Variants in ALDH9A1 observed in about 807,000 individuals in gnomAD.
ALDH9A1 encodes the protein 4-trimethylaminobutyraldehyde dehydrogenase.
Under a neutral mutation model 56.6 loss-of-function variants are expected in ALDH9A1, and 42 were observed. The ratio of observed to expected loss-of-function variants is 0.74; its 90% CI spans 0.58 to 0.96. ALDH9A1 has a LOEUF of 0.96. ALDH9A1 is among the 40% of genes least tolerant of loss of function. ALDH9A1 has a pLI of 0.00. For synonymous variants in ALDH9A1, 242 were observed against 236.0 expected, an observed-to-expected ratio of 1.03 and a Z score of -0.23; for missense variants, 661 against 651.5, an observed-to-expected ratio of 1.01 and a Z score of -0.16.
intron 2 of ALDH9A1, 136 bp downstream of exon 2, chr1:165,695,116 A>C (rs1177486634): frequency 1.0e-6 from 1 of 970,418 alleles, no homozygotes; most frequent in African/African-American, 1.7e-5. Flanking sequence ...TTATATACTA[A>C]GGTGAGCATG....
chr1:165,665,252 T>C (rs1648972200), intron 9 of ALDH9A1, 122 bp from the exon 10 acceptor site: 1 of 785,164 alleles, frequency 1.3e-6, no homozygotes, highest in East Asian at 2.7e-5. Context: ...TTCTTCAAAA[T>C]GTTTTAAAAT....
intron 1 of ALDH9A1, among the ~76,000 whole-genome samples, chr1:165,696,704 TAA>T (rs993661765): frequency 7.2e-5 from 11 of 152,196 alleles, no homozygotes; most frequent in African/African-American, 2.4e-4. Flanking sequence ...AAGAATTCTT[TAA>T]GTTTGCCAAC....
chr1:165,665,180 T>TA, intron 9 of ALDH9A1, 50 bp from the exon 10 acceptor site: 1 of 1,463,240 alleles, frequency 6.8e-7, no homozygotes, highest in African/African-American at 1.4e-5. Context: ...CTTAGGCTAC[T>TA]ACTTTAACAG....
At chr1:165,683,755 C>A (rs1391822150) in intron 2 of ALDH9A1, among the ~76,000 whole-genome samples, 2 of 152,106 alleles carry the variant, frequency 1.3e-5, no homozygotes, top group African/African-American at 4.8e-5. Flanking sequence ...TAGTTCTGGG[C>A]TCCACAACTT....
At chr1:165,690,872 G>C (rs750344734) in intron 2 of ALDH9A1, among the ~76,000 whole-genome samples, 3 of 152,328 alleles carry the variant, frequency 2.0e-5, no homozygotes, top group Non-Finnish European at 2.9e-5. Context: ...AGCTCGAACC[G>C]AGTGGAGCCC....
chr1:165,693,389 C>T (rs1163348596), intron 2 of ALDH9A1, among the ~76,000 whole-genome samples: 3 of 152,150 alleles, frequency 2.0e-5, no homozygotes, highest in Non-Finnish European at 4.4e-5. Context: ...ACAACCCCAT[C>T]AACAAGTGGG....
rs187351099 is a variant in ALDH9A1 at position 165,672,229 on chromosome 1, A to T, written c.931-2779T>A. Among the ~76,000 whole-genome samples, 6 of 152,292 alleles carry T rather than the reference A, an allele frequency of 3.9e-5. No homozygotes were observed. The East Asian group carries it at 9.6e-4, about 24-fold the overall frequency. ...GGAAACCACCTAAGTGTTCACAAAT[A>T]AAAAAATGGATAAACAAAATGTGGT... On this transcript the variant is annotated intron_variant, in intron 6 of 10. Transcript: ENST00000354775.
At chr1:165,691,736 C>T (rs4657466) in intron 2 of ALDH9A1, among the ~76,000 whole-genome samples, 49,920 of 152,016 alleles carry the variant, frequency 0.33, 8,453 homozygotes, top group South Asian at 0.55. Flanking sequence ...TTTTATGAGG[C>T]CAGCATCAGC....
chr1:165,698,373 G>C lies in ALDH9A1; in HGVS notation c.181+5C>G, dbSNP rs376208313. The C allele has an allele frequency of 1.3e-6, 2 of 1,589,752 alleles. No homozygotes were observed. The highest frequency in any genetic ancestry group is 1.9e-5 in the Admixed American group (1 of 53,594). ...GCCCCAGCCTCCCCGGCTCGTTGCAGTTACCGGTTGCTGGCTCGAAAGCTT... is the reference window on the plus strand; with the variant it reads ...GCCCCAGCCTCCCCGGCTCGTTGCACTTACCGGTTGCTGGCTCGAAAGCTT... On this transcript the variant is annotated splice_donor_5th_base_variant and intron_variant, in intron 1 of 10. Coordinates refer to ENST00000354775, the MANE Select transcript of ALDH9A1 (RefSeq NM_000696.4).
At chr1:165,682,038 G>C in intron 4 of ALDH9A1, 69 bp downstream of exon 4, 2 of 1,574,590 alleles carry the variant, frequency 1.3e-6, no homozygotes, top group Middle Eastern at 1.7e-4. Context: ...GTGAAAGGTA[G>C]AGAATGGGGA....
chr1:165,673,547 T>C (rs1330328488), intron 6 of ALDH9A1, among the ~76,000 whole-genome samples: 2 of 152,056 alleles, frequency 1.3e-5, no homozygotes, highest in East Asian at 3.9e-4. Context: ...GAAGGGACAA[T>C]ACTGAGGAGA....
In ALDH9A1 at chr1:165,668,390, T is replaced by C. The variant is rs1310487172; in HGVS notation, c.1207+536A>G. ...TGTTTAAAAGAGCCTGGTGCCTCTCTTGCTCTCTCTTTCACCATGTGACTC... is the reference window on the plus strand; with the variant it reads ...TGTTTAAAAGAGCCTGGTGCCTCTCCTGCTCTCTCTTTCACCATGTGACTC... On this transcript the variant is annotated intron_variant, in intron 8 of 10. Transcript: ENST00000354775. Among the ~76,000 whole-genome samples the C allele has an allele frequency of 2.6e-5, 4 of 152,268 alleles. No homozygotes were observed. The South Asian group carries it at 6.2e-4, about 24-fold the overall frequency.
chr1:165,697,906 G>A (rs1312631140), intron 1 of ALDH9A1, among the ~76,000 whole-genome samples: 1 of 152,116 alleles, frequency 6.6e-6, no homozygotes, highest in Non-Finnish European at 1.5e-5. Flanking sequence ...GTGGGAGCCT[G>A]TAATCCCAGC....
chr1:165,663,712 G>A (rs901790919), intron 10 of ALDH9A1, among the ~76,000 whole-genome samples: 3 of 152,240 alleles, frequency 2.0e-5, no homozygotes, highest in African/African-American at 7.2e-5. Context: ...TGTACACCCT[G>A]TGCTAGACTT....
chr1:165,695,936 T>C (rs1038192244), intron 1 of ALDH9A1, among the ~76,000 whole-genome samples: 2 of 151,308 alleles, frequency 1.3e-5, no homozygotes, highest in East Asian at 3.9e-4. Context: ...ACTGCAACTT[T>C]TGCCTCCTGG....
intron 7 of ALDH9A1, 42 bp from the exon 8 acceptor site, chr1:165,669,055 C>T (rs1249239793): frequency 2.7e-6 from 4 of 1,503,262 alleles, no homozygotes; most frequent in South Asian, 1.2e-5. Flanking sequence ...AAAAATATAA[C>T]CCCAAAATGC....
intron 10 of ALDH9A1, 37 bp downstream of exon 10, chr1:165,664,981 G>C: frequency 6.6e-7 from 1 of 1,504,466 alleles, no homozygotes; most frequent in Non-Finnish European, 9.3e-7. Flanking sequence ...CCTAGCTCTA[G>C]AGACCTAGTT....
rs1295880802 is a variant in ALDH9A1 at position 165,663,153 on chromosome 1, A to G, written c.1463-9T>C. ...GTTCTCTCTGCCAAATCCTGAAAGG[A>G]GGAGAAGGGGTCAGGTTGAGCCATC... On this transcript the variant is annotated splice_polypyrimidine_tract_variant and intron_variant, in intron 10 of 10. Coordinates refer to ENST00000354775, the MANE Select transcript of ALDH9A1 (RefSeq NM_000696.4). 6.2e-7 allele frequency: 1 copy of G among 1,611,808 alleles called. No individual in the cohort carries two copies. The highest frequency in any genetic ancestry group is 8.5e-7 in the Non-Finnish European group (1 of 1,178,036).
At chr1:165,691,989 G>A (rs945634830) in intron 2 of ALDH9A1, among the ~76,000 whole-genome samples, 10 of 152,234 alleles carry the variant, frequency 6.6e-5, no homozygotes, top group Admixed American at 2.0e-4. Context: ...CTCAACAGAC[G>A]CAGAAAAGGC....
Sources: gnomAD v4.1 joint callset for allele counts (sites outside exome capture counted in the v4.1 genomes callset) on GRCh38, gnomAD v4.1.1 for gene constraint, MANE v1.5 for transcripts, NCBI Gene and HGNC (gene_info 2026-07-23, HGNC 2026-07-21) for gene names.